LRMDA: variants seen among roughly 807,000 people sequenced by gnomAD.
LRMDA encodes the protein leucine-rich melanocyte differentiation-associated protein.
A neutral mutation model predicts 29.8 loss-of-function variants in LRMDA; 18 were observed. The ratio of observed to expected loss-of-function variants is 0.60; its 90% CI spans 0.42 to 0.90. LRMDA has a LOEUF of 0.90. Ranked by LOEUF, LRMDA falls within the 40% of genes least tolerant of loss-of-function variation. The pLI, the probability that LRMDA is intolerant of heterozygous loss-of-function variation, is 0.00. For missense variants in LRMDA, 273 were observed against 273.9 expected (o/e 1.00, Z 0.02); for synonymous variants, 125 against 109.4 (o/e 1.14, Z -0.89).
chr10:75,738,420 T>C (rs896326124), intron 2 of LRMDA, among the ~76,000 whole-genome samples: 1 of 152,228 alleles, frequency 6.6e-6, no homozygotes, highest in Admixed American at 6.5e-5. Context: ...CATGTAAGTT[T>C]GGTGATTTGA....
chr10:76,524,428 G>T (rs936093109), intron 6 of LRMDA, among the ~76,000 whole-genome samples: 1 of 152,130 alleles, frequency 6.6e-6, no homozygotes, highest in Admixed American at 6.5e-5. Context: ...GCTGTAAAAT[G>T]GTTTACTAGG....
At chr10:76,166,204 G>A (rs1190209851) in intron 5 of LRMDA, among the ~76,000 whole-genome samples, 1 of 152,194 alleles carries the variant, frequency 6.6e-6, no homozygotes, top group Non-Finnish European at 1.5e-5. Flanking sequence ...GAGGCTGTCT[G>A]TTAGGTTGAG....
intron 2 of LRMDA, among the ~76,000 whole-genome samples, chr10:75,692,404 C>T (rs1564541700): frequency 6.8e-6 from 1 of 147,452 alleles, no homozygotes; most frequent in African/African-American, 2.5e-5. Context: ...TATACACACA[C>T]ATATACACAT....
At chr10:76,142,614 C>A (rs1240388859) in intron 5 of LRMDA, among the ~76,000 whole-genome samples, 2 of 151,742 alleles carry the variant, frequency 1.3e-5, no homozygotes, top group African/African-American at 4.8e-5. Flanking sequence ...ATTTTCAATG[C>A]TGTATAATAT....
chr10:76,028,818 C>CTTTTTT (rs1237211316), intron 2 of LRMDA, among the ~76,000 whole-genome samples: 3 of 131,068 alleles, frequency 2.3e-5, no homozygotes, highest in Non-Finnish European at 3.3e-5. Flanking sequence ...TATTCAAAGC[C>CTTTTTT]TTTTTTTTTT....
intron 5 of LRMDA, among the ~76,000 whole-genome samples, chr10:76,256,910 A>G (rs888725083): frequency 8.5e-5 from 13 of 152,182 alleles, no homozygotes; most frequent in African/African-American, 3.1e-4. Context: ...TTGGTAGCAT[A>G]TATTTCTGCA....
At chr10:75,855,238 T>C (rs1031512232) in intron 2 of LRMDA, among the ~76,000 whole-genome samples, 7 of 152,086 alleles carry the variant, frequency 4.6e-5, no homozygotes, top group Non-Finnish European at 1.0e-4. Flanking sequence ...TGTTGTTTCC[T>C]GACTTTTTAA....
chr10:75,961,854 G>A (rs1280634494), intron 2 of LRMDA, among the ~76,000 whole-genome samples: 1 of 152,162 alleles, frequency 6.6e-6, no homozygotes, highest in Non-Finnish European at 1.5e-5. Flanking sequence ...TGTCAGTCGG[G>A]TTACTTCCTT....
chr10:76,548,330 T>C (rs1843446326), intron 6 of LRMDA, among the ~76,000 whole-genome samples: 1 of 133,702 alleles, frequency 7.5e-6, no homozygotes, highest in South Asian at 2.6e-4. Context: ...TACCATTCTG[T>C]ATTGAAGCAT....
intron 2 of LRMDA, among the ~76,000 whole-genome samples, chr10:75,654,529 G>A (rs1382421133): frequency 6.6e-6 from 1 of 152,098 alleles, no homozygotes; most frequent in Non-Finnish European, 1.5e-5. Flanking sequence ...CTTAATACCT[G>A]GAGTATTTCA....
intron 2 of LRMDA, among the ~76,000 whole-genome samples, chr10:75,980,176 A>G (rs983689139): frequency 6.6e-6 from 1 of 152,230 alleles, no homozygotes; most frequent in African/African-American, 2.4e-5. Context: ...CAAACAGTTC[A>G]GTAGCCTTGT....
At chr10:76,385,687 A>G (rs1564527000) in intron 6 of LRMDA, among the ~76,000 whole-genome samples, 1 of 152,132 alleles carries the variant, frequency 6.6e-6, no homozygotes, top group Non-Finnish European at 1.5e-5. Context: ...GAAGTTTTCT[A>G]GCTCCTTCAT....
At chr10:76,483,409 G>C (rs866031410) in intron 6 of LRMDA, among the ~76,000 whole-genome samples, 1 of 151,868 alleles carries the variant, frequency 6.6e-6, no homozygotes, top group Non-Finnish European at 1.5e-5. Context: ...GCCCCATAGG[G>C]GATTTCACCC....
intron 5 of LRMDA, among the ~76,000 whole-genome samples, chr10:76,167,437 G>A (rs908050812): frequency 3.9e-5 from 6 of 151,954 alleles, no homozygotes; most frequent in African/African-American, 1.4e-4. Context: ...TGCATATGAT[G>A]TACGGAAGGG....
At chr10:76,078,247 G>A (rs1461432314) in intron 5 of LRMDA, among the ~76,000 whole-genome samples, 1 of 151,520 alleles carries the variant, frequency 6.6e-6, no homozygotes, top group African/African-American at 2.4e-5. Context: ...CTGACCTCGT[G>A]ATCTGCCCGT....
intron 5 of LRMDA, among the ~76,000 whole-genome samples, chr10:76,222,811 G>A (rs1464484867): frequency 6.6e-6 from 1 of 152,130 alleles, no homozygotes; most frequent in Non-Finnish European, 1.5e-5. Flanking sequence ...AAAGACACAT[G>A]CACATGTATG....
chr10:75,981,090 C>T (rs1847161651), intron 2 of LRMDA, among the ~76,000 whole-genome samples: 1 of 152,202 alleles, frequency 6.6e-6, no homozygotes, highest in African/African-American at 2.4e-5. Context: ...TACACATTGT[C>T]TGCTTATTAA....
chr10:76,018,797 A>G (rs1323516469), intron 2 of LRMDA, among the ~76,000 whole-genome samples: 2 of 151,940 alleles, frequency 1.3e-5, no homozygotes, highest in Non-Finnish European at 2.9e-5. Context: ...TGATCTCTTT[A>G]CCTCGTGATC....
chr10:75,842,306 A>G (rs974745463), intron 2 of LRMDA, among the ~76,000 whole-genome samples: 2 of 152,196 alleles, frequency 1.3e-5, no homozygotes, highest in East Asian at 1.9e-4. Flanking sequence ...CTCAATATTT[A>G]TTATATTTTT....
Sources: gnomAD v4.1 joint callset for allele counts (sites outside exome capture counted in the v4.1 genomes callset) on GRCh38, gnomAD v4.1.1 for gene constraint, MANE v1.5 for transcripts, NCBI Gene and HGNC (gene_info 2026-07-23, HGNC 2026-07-21) for gene names.